FBXW11: variants seen among roughly 807,000 people sequenced by gnomAD.
FBXW11 encodes F-box and WD repeat domain containing 11.
Under a neutral mutation model 77.6 loss-of-function variants are expected in FBXW11, and 19 were observed. The observed-to-expected ratio is 0.24, with a 90% CI of 0.17 to 0.36. The LOEUF (loss-of-function observed/expected upper bound fraction) is 0.36. FBXW11 is among the 10% of genes least tolerant of loss of function. The pLI is 1.00. For synonymous variants in FBXW11, 235 were observed against 249.4 expected (o/e 0.94, Z 0.54); for missense variants, 334 against 704.2 (o/e 0.47, Z 5.95).
intron 4 of FBXW11, among the ~76,000 whole-genome samples, chr5:171,903,670 G>A (rs562396757): frequency 3.8e-4 from 58 of 152,082 alleles, no homozygotes; most frequent in African/African-American, 1.3e-3. Context: ...GCTAATTACA[G>A]CATCTCACTC....
intron 2 of FBXW11, among the ~76,000 whole-genome samples, chr5:171,942,981 T>C (rs1293457245): frequency 6.6e-6 from 1 of 152,220 alleles, no homozygotes; most frequent in Non-Finnish European, 1.5e-5. Context: ...TCCTATCTAC[T>C]ATCATCAGAG....
At chr5:171,967,375 G>A (rs1040136304) in intron 1 of FBXW11, among the ~76,000 whole-genome samples, 4 of 152,178 alleles carry the variant, frequency 2.6e-5, no homozygotes, top group African/African-American at 7.2e-5. Context: ...ACAAACTATT[G>A]TGTTTCTGCT....
At chr5:171,907,129 AC>A (rs1760580749) in intron 4 of FBXW11, among the ~76,000 whole-genome samples, 1 of 152,228 alleles carries the variant, frequency 6.6e-6, no homozygotes, top group Non-Finnish European at 1.5e-5. Flanking sequence ...TGCAGACTAA[AC>A]ATTTACTATG....
intron 2 of FBXW11, among the ~76,000 whole-genome samples, chr5:171,952,068 G>C (rs941939739): frequency 2.6e-5 from 4 of 152,016 alleles, no homozygotes; most frequent in African/African-American, 9.7e-5. Context: ...AAGTGAGATC[G>C]AAGTAGGAGG....
chr5:171,992,375 C>T (rs1401996539), intron 1 of FBXW11, among the ~76,000 whole-genome samples: 1 of 151,266 alleles, frequency 6.6e-6, no homozygotes, highest in African/African-American at 2.4e-5. Context: ...TGCAGTGAGC[C>T]GAGGCCATGC....
intron 2 of FBXW11, among the ~76,000 whole-genome samples, chr5:171,921,741 G>C (rs1052620354): frequency 3.6e-4 from 55 of 152,246 alleles, no homozygotes; most frequent in African/African-American, 1.3e-3. Flanking sequence ...GATTCAAAAA[G>C]AAGAGTGCTT....
rs1389574041 is a variant in FBXW11, at chr5:172,006,446, G to A, written c.45+12C>T. ...GGACGGAAGCACAGACGGTCCAGCG[G>A]GCCGCACTCACCATGAGCTCGATGG... On this transcript the variant is annotated intron_variant, in intron 1 of 13. Transcript: ENST00000517395. 17 of 1,551,190 alleles carry A rather than the reference G, an allele frequency of 1.1e-5. No individual in the cohort carries two copies. Among genetic ancestry groups the A allele is most frequent in the Non-Finnish European group, 7.0e-6 (8 of 1,149,776 alleles).
chr5:171,947,697 A>G (rs1037698783), intron 2 of FBXW11, among the ~76,000 whole-genome samples: 13 of 152,180 alleles, frequency 8.5e-5, no homozygotes, highest in African/African-American at 2.9e-4. Context: ...AGACAATGAA[A>G]TTGCAGTTAT....
intron 7 of FBXW11, among the ~76,000 whole-genome samples, chr5:171,880,064 G>C (rs1373330533): frequency 1.3e-5 from 2 of 152,076 alleles, no homozygotes; most frequent in African/African-American, 4.8e-5. Context: ...TTAAGATTTT[G>C]TGTTTTACAG....
At chr5:171,916,663 G>A (rs1351105504) in intron 2 of FBXW11, among the ~76,000 whole-genome samples, 1 of 152,160 alleles carries the variant, frequency 6.6e-6, no homozygotes, top group Non-Finnish European at 1.5e-5. Context: ...GAAAGGGGGA[G>A]CAGTGACTCA....
At chr5:171,905,453 C>T (rs1291143651) in intron 4 of FBXW11, among the ~76,000 whole-genome samples, 1 of 152,148 alleles carries the variant, frequency 6.6e-6, no homozygotes, top group Non-Finnish European at 1.5e-5. Context: ...AAGAAGTTCA[C>T]TCAAGAAATA....
rs577090757 is a variant in FBXW11 at position 171,950,863 on chromosome 5, G to T, written c.147+6734C>A. ...GATCATGCCACTACACTCTAGCCTG[G>T]GTAACAGAGTTAGACTCGGTCTCAA... On this transcript the variant is annotated intron_variant, in intron 2 of 13. Transcript: ENST00000517395. 6.6e-5 allele frequency among the ~76,000 whole-genome samples: 10 copies of T among 152,046 alleles called. 1 individual carries two copies. In the South Asian group the frequency reaches 2.1e-3, roughly 32 times the overall value.
intron 6 of FBXW11, among the ~76,000 whole-genome samples, chr5:171,894,161 A>C (rs1329582679): frequency 6.6e-6 from 1 of 152,130 alleles, no homozygotes; most frequent in African/African-American, 2.4e-5. Flanking sequence ...CCTGTGATAC[A>C]TCAGTCCCCT....
intron 2 of FBXW11, among the ~76,000 whole-genome samples, chr5:171,915,935 T>C (rs1445687752): frequency 2.0e-5 from 3 of 151,980 alleles, no homozygotes; most frequent in Non-Finnish European, 2.9e-5. Flanking sequence ...TCATGTCCTT[T>C]GTAGGGACAT....
intron 7 of FBXW11, among the ~76,000 whole-genome samples, chr5:171,880,841 G>A (rs545981971): frequency 7.9e-5 from 12 of 152,070 alleles, no homozygotes; most frequent in South Asian, 4.2e-4. Context: ...GACTATAGGC[G>A]CCCACCACCA....
chr5:171,994,109 G>A (rs1365528346), intron 1 of FBXW11, among the ~76,000 whole-genome samples: 1 of 152,146 alleles, frequency 6.6e-6, no homozygotes, highest in African/African-American at 2.4e-5. Context: ...GTTTCCTTTT[G>A]CAATGATTTC....
chr5:171,983,733 T>C (rs1213028069), intron 1 of FBXW11, among the ~76,000 whole-genome samples: 1 of 152,124 alleles, frequency 6.6e-6, no homozygotes, highest in Non-Finnish European at 1.5e-5. Context: ...TTGAGAGTTT[T>C]TCCCAAAACA....
chr5:171,864,786 C>A (rs555060881), intron 13 of FBXW11, among the ~76,000 whole-genome samples: 7 of 151,930 alleles, frequency 4.6e-5, no homozygotes, highest in African/African-American at 1.7e-4. Flanking sequence ...TACACACACA[C>A]ACAAAAAAAC....
chr5:171,934,761 AG>A (rs1330769383), intron 2 of FBXW11, among the ~76,000 whole-genome samples: 1 of 152,080 alleles, frequency 6.6e-6, no homozygotes, highest in African/African-American at 2.4e-5. Flanking sequence ...AATGAGATGA[AG>A]AAATAAGCAA....
Sources: gnomAD v4.1 joint callset for allele counts (sites outside exome capture counted in the v4.1 genomes callset) on GRCh38, gnomAD v4.1.1 for gene constraint, MANE v1.5 for transcripts, NCBI Gene and HGNC (gene_info 2026-07-23, HGNC 2026-07-21) for gene names.